The following TMT1A variants were observed in gnomAD, a reference collection of about 807,000 sequenced individuals.
The protein encoded by TMT1A is thiol methyltransferase 1A.
chr12:50,926,016 C>CAAAAAAAAAAAAAAAAAAAAAAA, the TMT1A span, among the ~76,000 whole-genome samples: 5 of 26,068 alleles, frequency 1.9e-4, no homozygotes, highest in Middle Eastern at 0.024. Context: ...AACTCCATCT[C>CAAAAAAAAAAAAAAAAAAAAAAA]AAAAAAAAAA....
chr12:50,925,177 T>C, the TMT1A span: 46 of 1,614,072 alleles, frequency 2.8e-5, no homozygotes, highest in Non-Finnish European at 3.5e-5. Context: ...CACTGTGATA[T>C]ACAACGAACA....
the TMT1A span, chr12:50,930,124 C>T: frequency 1.2e-6 from 2 of 1,612,086 alleles, no homozygotes; most frequent in Non-Finnish European, 1.7e-6. Context: ...GGTGCGCCCT[C>T]ATATCTATGG....
the TMT1A span, among the ~76,000 whole-genome samples, chr12:50,927,978 C>A: frequency 6.6e-6 from 1 of 152,158 alleles, no homozygotes; most frequent in Non-Finnish European, 1.5e-5. Context: ...GCACATGCTA[C>A]CACGCCTGGC....
At chr12:50,925,112 T>G in the TMT1A span, 25 of 1,614,214 alleles carry the variant, frequency 1.5e-5, 1 homozygote, top group Admixed American at 1.5e-4. Context: ...CTGAACTTTC[T>G]GGGCTTGTGG....
chr12:50,931,567 C>T, the TMT1A span: 1 of 150,914 alleles, frequency 6.6e-6, no homozygotes, highest in Non-Finnish European at 1.5e-5. Context: ...AAAAATTAGC[C>T]AGGCGTGGTG....
chr12:50,930,185 G>T, the TMT1A span: 3 of 1,472,506 alleles, frequency 2.0e-6, no homozygotes, highest in South Asian at 4.0e-5. Context: ...ATGGCTCAAA[G>T]AATTTAAAGC....
At chr12:50,926,803 T>A in the TMT1A span, among the ~76,000 whole-genome samples, 2 of 152,240 alleles carry the variant, frequency 1.3e-5, no homozygotes, top group Admixed American at 6.5e-5. Flanking sequence ...AGTGGTTGCC[T>A]TTGGGGAATG....
chr12:50,929,244 T>C, the TMT1A span, among the ~76,000 whole-genome samples: 1 of 152,094 alleles, frequency 6.6e-6, no homozygotes, highest in African/African-American at 2.4e-5. Flanking sequence ...CAAGAAATAA[T>C]AAATGAATAA....
At chr12:50,927,161 G>A in the TMT1A span, among the ~76,000 whole-genome samples, 2 of 152,000 alleles carry the variant, frequency 1.3e-5, no homozygotes, top group Non-Finnish European at 2.9e-5. Flanking sequence ...CCCAGCAGCT[G>A]GGACTACAGG....
the TMT1A span, chr12:50,930,274 GT>G: frequency 0.16 from 79,126 of 508,240 alleles, 8 homozygotes; most frequent in Middle Eastern, 0.21. Context: ...TTTGTTGTTG[GT>G]TTTTTTTTTT....
At chr12:50,927,079 G>A in the TMT1A span, among the ~76,000 whole-genome samples, 1 of 152,140 alleles carries the variant, frequency 6.6e-6, no homozygotes, top group South Asian at 2.1e-4. Context: ...GAGTGCAGTG[G>A]CATGATCACA....
the TMT1A span, among the ~76,000 whole-genome samples, chr12:50,927,325 C>A: frequency 6.6e-6 from 1 of 152,258 alleles, no homozygotes; most frequent in Non-Finnish European, 1.5e-5. Context: ...CCATGCCCAA[C>A]CATCAGTTTT....
chr12:50,927,239 C>T, the TMT1A span, among the ~76,000 whole-genome samples: 152 of 152,270 alleles, frequency 1.0e-3, 4 homozygotes, highest in Admixed American at 9.4e-3. Flanking sequence ...GTTGCCCAGG[C>T]TGGTCTCAAA....
chr12:50,929,985 C>A, the TMT1A span: 1 of 1,613,884 alleles, frequency 6.2e-7, no homozygotes, highest in East Asian at 2.2e-5. Flanking sequence ...GGCAACAAGT[C>A]CTGGATCCTG....
chr12:50,928,800 C>G, the TMT1A span, among the ~76,000 whole-genome samples: 1 of 152,004 alleles, frequency 6.6e-6, no homozygotes. Context: ...CTCTTCTGAC[C>G]CCAAACCTTC....
At chr12:50,927,107 C>T in the TMT1A span, among the ~76,000 whole-genome samples, 1 of 152,144 alleles carries the variant, frequency 6.6e-6, no homozygotes, top group East Asian at 1.9e-4. Context: ...GCAGCCTTGA[C>T]CTGCTGGACT....
chr12:50,925,365 G>C, the TMT1A span: 1 of 1,614,210 alleles, frequency 6.2e-7, no homozygotes, highest in South Asian at 1.1e-5. Context: ...TTTTGATCAA[G>C]AGCATTGCAG....
At chr12:50,930,007 C>T in the TMT1A span, 1 of 1,614,054 alleles carries the variant, frequency 6.2e-7, no homozygotes, top group South Asian at 1.1e-5. Context: ...CTGGCACCTT[C>T]TGTTTGATGG....
the TMT1A span, chr12:50,931,278 T>A: frequency 6.6e-6 from 1 of 152,062 alleles, no homozygotes; most frequent in Admixed American, 6.6e-5. Flanking sequence ...CTTAAATCAC[T>A]CCAAAGAAGA....
Sources: allele counts gnomAD v4.1 joint callset (sites outside exome capture counted in the v4.1 genomes callset), GRCh38; gene constraint gnomAD v4.1.1; transcripts MANE v1.5; gene names NCBI Gene and HGNC (gene_info 2026-07-23, HGNC 2026-07-21).